The following CCDC47 variants were observed in gnomAD, a reference collection of about 807,000 sequenced individuals.
CCDC47 encodes coiled-coil domain containing 47.
Under a neutral mutation model 60.5 loss-of-function variants are expected in CCDC47, and 41 were observed. That is an observed-to-expected ratio of 0.68 (90% CI 0.53 to 0.88). The LOEUF is 0.88. Among genes scored for constraint, CCDC47 ranks in the 40% least tolerant of loss-of-function variants. CCDC47 has a pLI of 0.00. For missense variants in CCDC47, 513 were observed against 580.9 expected (o/e 0.88, Z 1.20); for synonymous variants, 195 against 190.7 (o/e 1.02, Z -0.18).
rs1450583544 is a variant in CCDC47, at chr17:63,769,594, CAA to C, written c.-19-3402_-19-3401del. On this transcript the variant is annotated intron_variant, in intron 1 of 12. Coordinates refer to ENST00000225726, the MANE Select transcript of CCDC47 (RefSeq NM_020198.3). ...CGCCATTGCAGTCCAGCCTGGGCAA[CAA>C]GAGTGAAACTCCATCTCAAAAAAAA... 1.2e-4 allele frequency among the ~76,000 whole-genome samples: 12 copies of C among 99,560 alleles called. No individual in the cohort carries two copies. In the South Asian group the frequency reaches 3.5e-3, roughly 29 times the overall value. 65.3% of individuals were successfully genotyped at this position (99,560 alleles called of 152,430 possible).
rs558336048 is a variant in CCDC47 at position 63,770,722 on chromosome 17, A to G, written c.-20+2690T>C. On this transcript the variant is annotated intron_variant, in intron 1 of 12. Transcript: ENST00000225726. ...TCTTAAAGGCTGGGCGCAGTGGCTC[A>G]CACCTGTAATCCCAGCACTTTGGGA... 1.2e-4 allele frequency among the ~76,000 whole-genome samples: 18 copies of G among 152,186 alleles called. 2 individuals are homozygous for G. The South Asian group carries it at 3.7e-3, about 32-fold the overall frequency.
chr17:63,747,377 T>G lies in CCDC47; in HGVS notation c.1372-416A>C, dbSNP rs1051488298. 10 of 983,958 alleles carry G rather than the reference T, an allele frequency of 1.0e-5. No individual in the cohort carries two copies. In the Middle Eastern group the frequency reaches 2.6e-3, roughly 255 times the overall value. The allele number at this position is 983,958 out of a possible 1,614,324, so 61.0% of individuals were successfully genotyped here. On this transcript the variant is annotated intron_variant, in intron 12 of 12. Coordinates refer to ENST00000225726, the MANE Select transcript of CCDC47 (RefSeq NM_020198.3). ...AGTTCAATAAATTTTAAGAATCTTG[T>G]TCCATCAGGTTATTCATTGCAAATT...
In CCDC47 at chr17:63,754,526, A is replaced by G. The variant is rs1055756816; in HGVS notation, c.949-8T>C. ...TGTAAGAAAGTGAACCATCTGAAAA[A>G]AAGAAAATAATATTTTTTAAAAGCA... On this transcript the variant is annotated splice_region_variant and splice_polypyrimidine_tract_variant and intron_variant, in intron 8 of 12. Coordinates refer to ENST00000225726, the MANE Select transcript of CCDC47 (RefSeq NM_020198.3). The G allele has an allele frequency of 6.4e-7, 1 of 1,570,270 alleles. No homozygotes were observed. Among genetic ancestry groups the G allele is most frequent in the African/African-American group, 1.4e-5 (1 of 73,318 alleles).
Position 63,751,964 on chromosome 17 carries a change from A to T in CCDC47, c.1347T>A (p.Asp449Glu). 1 of 1,613,170 alleles carries T rather than the reference A, an allele frequency of 6.2e-7. No individual in the cohort carries two copies. The highest frequency in any genetic ancestry group is 8.5e-7 in the Non-Finnish European group (1 of 1,179,780). Residue 449 changes from aspartate (D) to glutamate (E), a missense_variant, in exon 12 of 13, where the codon GAT (aspartate) becomes GAA (glutamate). Asp to Glu is a conservative substitution (Grantham distance 45). Coordinates refer to ENST00000225726, the MANE Select transcript of CCDC47 (RefSeq NM_020198.3). ...AEKERIMNEE[D>E]PEKQRRLEEA... ...CCTCCAGCCTGCGCTGTTTCTCAGG[A>T]TCTTCCTCATTCATGATTCGCTCCT... is the stretch of plus-strand genomic sequence containing the variant.
intron 4 of CCDC47, among the ~76,000 whole-genome samples, chr17:63,763,359 C>T (rs753783681): frequency 1.3e-5 from 2 of 151,432 alleles, no homozygotes; most frequent in Non-Finnish European, 2.9e-5. Context: ...TCTGTCTCTA[C>T]AAAAAAAATA....
chr17:63,765,930 A>T lies in CCDC47; in HGVS notation c.246T>A (p.Phe82Leu). The T allele has an allele frequency of 1.1e-5, 18 of 1,612,456 alleles. No homozygotes were observed. Among genetic ancestry groups the T allele is most frequent in the Non-Finnish European group, 1.5e-5 (18 of 1,179,048 alleles). The change falls in exon 2 of 13, where the codon TTT (phenylalanine) becomes TTA (leucine). Residue 82 changes from phenylalanine to leucine, a missense_variant. Coordinates refer to ENST00000225726, the MANE Select transcript of CCDC47 (RefSeq NM_020198.3). ...GCCTCACCTGGGTATCTGCATCTTC[A>T]AAATCTCCTTCTTGGTTTTCATCCT... ...EGQDENQEGD[F>L]EDADTQEGDT...
intron 6 of CCDC47, among the ~76,000 whole-genome samples, chr17:63,759,900 C>A (rs1474826449): frequency 6.6e-6 from 1 of 151,198 alleles, no homozygotes; most frequent in Non-Finnish European, 1.5e-5. Context: ...CCCATCTCTA[C>A]TAAAATACAA....
At chr17:63,768,471 C>T (rs534815082) in intron 1 of CCDC47, among the ~76,000 whole-genome samples, 6 of 151,298 alleles carry the variant, frequency 4.0e-5, no homozygotes, top group East Asian at 3.9e-4. Context: ...GTGAACTGCT[C>T]GAGCCCAAGA....
chr17:63,752,137 A>G lies in CCDC47; in HGVS notation c.1204-30T>C, dbSNP rs1235075445. 4 of 1,607,518 alleles carry G rather than the reference A, an allele frequency of 2.5e-6. No homozygotes were observed. The Admixed American group carries it at 6.7e-5, about 27-fold the overall frequency. ...CCCAAGAAACAAAGTATTTCATAAG[A>G]AATCCATTTCTAGTCAACAGCAACA... On this transcript the variant is annotated intron_variant, in intron 11 of 12. Transcript: ENST00000225726.
intron 12 of CCDC47, among the ~76,000 whole-genome samples, chr17:63,750,370 TAAAAC>T (rs949146880): frequency 6.6e-6 from 1 of 151,830 alleles, no homozygotes; most frequent in African/African-American, 2.4e-5. Flanking sequence ...CCAAGTCAAA[TAAAAC>T]AAAAAAATGA....
chr17:63,772,591 T>C (rs2039355703), intron 1 of CCDC47, among the ~76,000 whole-genome samples: 1 of 152,026 alleles, frequency 6.6e-6, no homozygotes, highest in South Asian at 2.1e-4. Flanking sequence ...TTTTTTCATA[T>C]AGAAGCAACT....
At chr17:63,753,762 T>C (rs534074789) in intron 9 of CCDC47, 1 of 248,788 alleles carries the variant, frequency 4.0e-6, no homozygotes, top group Non-Finnish European at 6.4e-6. Flanking sequence ...ACACACAGAT[T>C]TGTAATCAGA....
At chr17:63,757,100 C>A (rs907376787) in intron 6 of CCDC47, among the ~76,000 whole-genome samples, 1 of 151,476 alleles carries the variant, frequency 6.6e-6, no homozygotes, top group African/African-American at 2.4e-5. Flanking sequence ...GTGGCTCACA[C>A]CTGTAATCCT....
intron 8 of CCDC47, chr17:63,755,376 T>G (rs1310051199): frequency 1.3e-5 from 11 of 845,796 alleles, no homozygotes; most frequent in Non-Finnish European, 1.6e-5. Context: ...TCCAAGCGCT[T>G]TGGGAGGCCA....
At chr17:63,765,040 G>T in intron 2 of CCDC47, 193 bp from the exon 3 acceptor site, 2 of 821,480 alleles carry the variant, frequency 2.4e-6, no homozygotes, top group Non-Finnish European at 2.9e-6. Context: ...AAGACCTAAT[G>T]TGCAGCAAGG....
chr17:63,763,959 T>C, intron 4 of CCDC47, 57 bp downstream of exon 4: 1 of 1,428,402 alleles, frequency 7.0e-7, no homozygotes, highest in Non-Finnish European at 9.4e-7. Flanking sequence ...GGGGAATACA[T>C]CATCCTTACC....
At chr17:63,765,701 C>T in intron 2 of CCDC47, 2 of 1,380,084 alleles carry the variant, frequency 1.4e-6, no homozygotes, top group Non-Finnish European at 1.9e-6. Flanking sequence ...TCTAACCCCT[C>T]TTCCAGTCAG....
intron 4 of CCDC47, 92 bp downstream of exon 4, chr17:63,763,924 G>C: frequency 1.3e-5 from 12 of 906,050 alleles, no homozygotes; most frequent in Non-Finnish European, 1.8e-5. Flanking sequence ...GGTATTCCAT[G>C]AAAGCAGTTA....
intron 1 of CCDC47, among the ~76,000 whole-genome samples, chr17:63,768,150 T>C (rs554070333): frequency 3.3e-5 from 5 of 152,300 alleles, no homozygotes; most frequent in Admixed American, 6.5e-5. Flanking sequence ...CAAAGTAATA[T>C]AAAAACTCCT....
Sources: gnomAD v4.1 joint callset for allele counts (sites outside exome capture counted in the v4.1 genomes callset) on GRCh38, gnomAD v4.1.1 for gene constraint, MANE v1.5 for transcripts, NCBI Gene and HGNC (gene_info 2026-07-23, HGNC 2026-07-21) for gene names.